Variants in DEUP1 observed in about 807,000 individuals in gnomAD.
The protein encoded by DEUP1 is deuterosome assembly protein 1.
A neutral mutation model predicts 87.4 loss-of-function variants in DEUP1; 82 were observed. The observed-to-expected ratio is 0.94, with a 90% CI of 0.78 to 1.13. The LOEUF is 1.13. DEUP1 is among the 50% of genes most tolerant of loss of function. The probability of loss-of-function intolerance (pLI) is 0.00; values close to 1 mark genes in which losing one functional copy is unlikely to be tolerated. For synonymous variants in DEUP1, 214 were observed against 222.7 expected, an observed-to-expected ratio of 0.96 and a Z score of 0.35; for missense variants, 663 against 681.5, an observed-to-expected ratio of 0.97 and a Z score of 0.30.
chr11:93,355,023 C>T (rs1944827795), intron 2 of DEUP1, among the ~76,000 whole-genome samples: 1 of 152,132 alleles, frequency 6.6e-6, no homozygotes, highest in Non-Finnish European at 1.5e-5. Flanking sequence ...CCCAGTTTGC[C>T]TCTGTCAAAC....
At chr11:93,373,685 A>T (rs1403475110) in intron 7 of DEUP1, among the ~76,000 whole-genome samples, 1 of 147,880 alleles carries the variant, frequency 6.8e-6, no homozygotes, top group Non-Finnish European at 1.5e-5. Flanking sequence ...TTATCCACTC[A>T]TTGATTGATA....
intron 8 of DEUP1, among the ~76,000 whole-genome samples, chr11:93,388,153 T>A (rs952072551): frequency 2.2e-4 from 34 of 152,152 alleles, no homozygotes; most frequent in Non-Finnish European, 4.6e-4. Flanking sequence ...ATCTTTAAAT[T>A]AGCAATTTCT....
intron 13 of DEUP1, among the ~76,000 whole-genome samples, chr11:93,428,240 G>A (rs538388873): frequency 4.1e-4 from 62 of 151,886 alleles, no homozygotes; most frequent in African/African-American, 1.3e-3. Context: ...TGTGGCACAT[G>A]TACACCATGG....
intron 2 of DEUP1, among the ~76,000 whole-genome samples, chr11:93,345,329 T>C (rs1224166731): frequency 1.3e-5 from 2 of 152,254 alleles, no homozygotes; most frequent in African/African-American, 4.8e-5. Flanking sequence ...AACATGTGCA[T>C]GTGTCTTTAT....
chr11:93,436,141 C>T (rs1462333643), intron 13 of DEUP1, among the ~76,000 whole-genome samples: 1 of 152,156 alleles, frequency 6.6e-6, no homozygotes, highest in East Asian at 1.9e-4. Context: ...GCAGTAGACA[C>T]CTAAAAACAA....
chr11:93,416,074 C>A (rs547653881), intron 13 of DEUP1, among the ~76,000 whole-genome samples: 1 of 152,126 alleles, frequency 6.6e-6, no homozygotes, highest in Non-Finnish European at 1.5e-5. Context: ...TACCGCCAAA[C>A]TATTTTCCTG....
At chr11:93,340,325 C>G (rs974577971) in intron 2 of DEUP1, among the ~76,000 whole-genome samples, 1 of 152,110 alleles carries the variant, frequency 6.6e-6, no homozygotes, top group Non-Finnish European at 1.5e-5. Context: ...TCAGCAAAAG[C>G]AAAGCTTCTG....
At chr11:93,366,076 G>C (rs1196739811) in intron 5 of DEUP1, among the ~76,000 whole-genome samples, 1 of 152,102 alleles carries the variant, frequency 6.6e-6, no homozygotes, top group Non-Finnish European at 1.5e-5. Context: ...ATGTAACATT[G>C]TTGTTATGGT....
chr11:93,400,164 C>T (rs1947070727), intron 11 of DEUP1, among the ~76,000 whole-genome samples: 1 of 152,100 alleles, frequency 6.6e-6, no homozygotes, highest in East Asian at 1.9e-4. Flanking sequence ...GTCATAGTCT[C>T]AGTTTGATAG....
intron 2 of DEUP1, among the ~76,000 whole-genome samples, chr11:93,341,771 C>T (rs1430051942): frequency 2.0e-5 from 3 of 152,098 alleles, no homozygotes; most frequent in Non-Finnish European, 4.4e-5. Context: ...TAAATTGCCA[C>T]AAATTTGGTA....
intron 4 of DEUP1, among the ~76,000 whole-genome samples, chr11:93,363,347 CTATATACA>C (rs768925178): frequency 3.8e-4 from 58 of 151,850 alleles, no homozygotes; most frequent in Non-Finnish European, 7.1e-4. Context: ...TGGCATAGAA[CTATATACA>C]TATATTGGTC....
chr11:93,417,443 T>C (rs1326266286), intron 13 of DEUP1, among the ~76,000 whole-genome samples: 1 of 151,662 alleles, frequency 6.6e-6, no homozygotes, highest in African/African-American at 2.4e-5. Context: ...GCTTCAAAGA[T>C]AATAAAATAC....
chr11:93,372,016 C>T (rs1945755187), intron 7 of DEUP1, among the ~76,000 whole-genome samples: 1 of 150,378 alleles, frequency 6.6e-6, no homozygotes, highest in South Asian at 2.1e-4. Context: ...GCAAGCTCCG[C>T]CTCCTGGGTT....
chr11:93,374,597 T>A (rs1565317123), intron 7 of DEUP1, among the ~76,000 whole-genome samples: 1 of 152,186 alleles, frequency 6.6e-6, no homozygotes, highest in Non-Finnish European at 1.5e-5. Flanking sequence ...TGTAAGTATT[T>A]GGGTTTATTT....
Position 93,414,314 on chromosome 11 carries a change from C to A in DEUP1, c.1524-686C>A. 2.0e-5 allele frequency among the ~76,000 whole-genome samples: 3 copies of A among 152,232 alleles called. No homozygotes were observed. In the South Asian group the frequency reaches 6.2e-4, roughly 32 times the overall value. ...GAATCACAAGGTCAGGAGATCGAGA[C>A]CATCCTGGCTAACATGGTGAAGCCC... On this transcript the variant is annotated intron_variant, in intron 12 of 13. Coordinates refer to ENST00000298050, the MANE Select transcript of DEUP1 (RefSeq NM_181645.4).
chr11:93,341,149 G>T (rs1420720625), intron 2 of DEUP1, among the ~76,000 whole-genome samples: 3 of 152,162 alleles, frequency 2.0e-5, no homozygotes, highest in Non-Finnish European at 4.4e-5. Context: ...TGGGCATGGT[G>T]GCTCACGCCT....
chr11:93,332,226 A>C lies in DEUP1; in HGVS notation c.-34A>C. ...TTTTCCTCCTAACAGATTAAAAATC[A>C]AGAAATATAAACCAGATGTAGCAGT... On this transcript the variant is annotated 5_prime_UTR_variant, in exon 2 of 14. Coordinates refer to ENST00000298050, the MANE Select transcript of DEUP1 (RefSeq NM_181645.4). 1 of 1,588,994 alleles carries C rather than the reference A, an allele frequency of 6.3e-7. No individual in the cohort carries two copies. Among genetic ancestry groups the C allele is most frequent in the East Asian group, 2.2e-5 (1 of 44,492 alleles).
At chr11:93,385,077 C>T (rs376133977) in intron 7 of DEUP1, among the ~76,000 whole-genome samples, 1 of 152,118 alleles carries the variant, frequency 6.6e-6, no homozygotes, top group South Asian at 2.1e-4. Context: ...TAAAAATTAG[C>T]TGGGCATGGT....
intron 13 of DEUP1, among the ~76,000 whole-genome samples, chr11:93,415,863 C>T (rs1187140923): frequency 6.6e-6 from 1 of 151,890 alleles, no homozygotes; most frequent in Non-Finnish European, 1.5e-5. Context: ...ATACCACATT[C>T]AATGACAATA....
Sources: allele counts gnomAD v4.1 joint callset (sites outside exome capture counted in the v4.1 genomes callset), GRCh38; gene constraint gnomAD v4.1.1; transcripts MANE v1.5; gene names NCBI Gene and HGNC (gene_info 2026-07-23, HGNC 2026-07-21).